The following F13A1 variants were observed in gnomAD, a reference collection of about 807,000 sequenced individuals.
F13A1 encodes FSF, A subunit.
In F13A1, 47 loss-of-function variants were observed where a neutral mutation model predicts 80.1. The observed-to-expected ratio is 0.59, with a 90% confidence interval of 0.46 to 0.75. The LOEUF is 0.75. Among genes scored for constraint, F13A1 ranks in the 30% least tolerant of loss-of-function variants. The probability of loss-of-function intolerance (pLI) is 0.00; values close to 1 mark genes in which losing one functional copy is unlikely to be tolerated. For synonymous variants in F13A1, 349 were observed against 344.9 expected, an observed-to-expected ratio of 1.01 and a Z score of -0.13; for missense variants, 817 against 930.4, an observed-to-expected ratio of 0.88 and a Z score of 1.59.
At chr6:6,173,623 G>T (rs1270024720) in intron 12 of F13A1, among the ~76,000 whole-genome samples, 1 of 152,056 alleles carries the variant, frequency 6.6e-6, no homozygotes, top group Non-Finnish European at 1.5e-5. Flanking sequence ...AGTCAGGCTG[G>T]TCTCGAACTC....
chr6:6,182,705 C>T (rs1761011345), intron 10 of F13A1, among the ~76,000 whole-genome samples: 1 of 152,062 alleles, frequency 6.6e-6, no homozygotes, highest in Non-Finnish European at 1.5e-5. Context: ...ACACTGCTGA[C>T]AATGAGAAGG....
At chr6:6,296,563 A>G (rs1758331331) in intron 3 of F13A1, among the ~76,000 whole-genome samples, 2 of 150,952 alleles carry the variant, frequency 1.3e-5, no homozygotes, top group Non-Finnish European at 2.9e-5. Context: ...TTGCTGGTGT[A>G]TAAGAATGCT....
intron 14 of F13A1, among the ~76,000 whole-genome samples, chr6:6,150,359 A>T (rs1022768054): frequency 9.3e-5 from 14 of 151,024 alleles, no homozygotes; most frequent in Admixed American, 7.3e-4. Context: ...TAATTTACTT[A>T]TTTTTTTTTC....
At chr6:6,313,986 C>CT (rs10690734) in intron 2 of F13A1, among the ~76,000 whole-genome samples, 100 of 142,150 alleles carry the variant, frequency 7.0e-4, no homozygotes, top group Middle Eastern at 7.4e-3. Flanking sequence ...TCTCCTTACT[C>CT]TTTTTTTTTT....
chr6:6,205,405 TA>T (rs1299975210), intron 8 of F13A1, among the ~76,000 whole-genome samples: 1 of 152,234 alleles, frequency 6.6e-6, no homozygotes, highest in African/African-American at 2.4e-5. Context: ...ACATCAACGC[TA>T]AATGCAGTTC....
chr6:6,232,632 C>A (rs1393630429), intron 6 of F13A1, among the ~76,000 whole-genome samples: 1 of 152,054 alleles, frequency 6.6e-6, no homozygotes, highest in African/African-American at 2.4e-5. Flanking sequence ...ACATTTTATC[C>A]AACAACCACA....
chr6:6,158,413 C>G (rs1459798283), intron 13 of F13A1, among the ~76,000 whole-genome samples: 1 of 152,170 alleles, frequency 6.6e-6, no homozygotes, highest in Non-Finnish European at 1.5e-5. Flanking sequence ...AACAGAGCAT[C>G]TGACACATAC....
chr6:6,232,850 G>A (rs1757370534), intron 6 of F13A1, among the ~76,000 whole-genome samples: 5 of 152,144 alleles, frequency 3.3e-5, no homozygotes, highest in Admixed American at 3.3e-4. Flanking sequence ...GCTCCTGAAT[G>A]AGCATTGGGT....
intron 8 of F13A1, among the ~76,000 whole-genome samples, chr6:6,221,519 T>A (rs1446459808): frequency 6.6e-6 from 1 of 152,244 alleles, no homozygotes; most frequent in Non-Finnish European, 1.5e-5. Context: ...AACAGATGTA[T>A]GACCGTGAGC....
intron 6 of F13A1, among the ~76,000 whole-genome samples, chr6:6,239,866 A>G (rs1374951350): frequency 6.6e-6 from 1 of 152,144 alleles, no homozygotes; most frequent in Non-Finnish European, 1.5e-5. Context: ...AATGCAGAGC[A>G]GGAGGAGGAA....
chr6:6,290,592 A>C (rs1758209245), intron 3 of F13A1, among the ~76,000 whole-genome samples: 1 of 152,180 alleles, frequency 6.6e-6, no homozygotes, highest in Non-Finnish European at 1.5e-5. Flanking sequence ...GACACAAAAC[A>C]CAGCATGATC....
At chr6:6,227,741 A>C (rs1022292547) in intron 6 of F13A1, among the ~76,000 whole-genome samples, 1 of 152,216 alleles carries the variant, frequency 6.6e-6, no homozygotes, top group Non-Finnish European at 1.5e-5. Flanking sequence ...ACAGATAGCC[A>C]TTAATTACAA....
At chr6:6,297,503 C>T (rs1758348799) in intron 3 of F13A1, among the ~76,000 whole-genome samples, 9 of 150,750 alleles carry the variant, frequency 6.0e-5, no homozygotes, top group African/African-American at 2.0e-4. Context: ...GAAATTTATC[C>T]ATTTCTTCTA....
intron 12 of F13A1, among the ~76,000 whole-genome samples, chr6:6,168,572 C>A (rs1419533243): frequency 6.6e-6 from 1 of 152,232 alleles, no homozygotes; most frequent in African/African-American, 2.4e-5. Context: ...ATTCCTCCAT[C>A]CCCAGCCACA....
chr6:6,212,300 C>G (rs2113036346), intron 8 of F13A1, among the ~76,000 whole-genome samples: 1 of 152,304 alleles, frequency 6.6e-6, no homozygotes, highest in Non-Finnish European at 1.5e-5. Flanking sequence ...TTGAAGAGAG[C>G]AGTGGTTCTC....
intron 12 of F13A1, among the ~76,000 whole-genome samples, chr6:6,172,391 T>C (rs1760791607): frequency 6.6e-6 from 1 of 152,116 alleles, no homozygotes; most frequent in Non-Finnish European, 1.5e-5. Context: ...AAATTACCTT[T>C]ACTACCCTAG....
intron 6 of F13A1, among the ~76,000 whole-genome samples, chr6:6,234,738 T>G (rs1051083866): frequency 2.6e-5 from 4 of 152,178 alleles, no homozygotes; most frequent in African/African-American, 9.6e-5. Flanking sequence ...TAATTTTTAA[T>G]AACCTTAGGA....
intron 10 of F13A1, among the ~76,000 whole-genome samples, chr6:6,184,338 C>T (rs1383321173): frequency 1.3e-5 from 2 of 152,254 alleles, no homozygotes; most frequent in Non-Finnish European, 2.9e-5. Flanking sequence ...GCCTTTCCCA[C>T]ACCACCCTGC....
At position 6,168,564 on chromosome 6, in the gene F13A1, T is replaced by C. The variant is rs1331653666; in HGVS notation, c.1748-946A>G. 2.0e-5 allele frequency among the ~76,000 whole-genome samples: 3 copies of C among 152,216 alleles called. No homozygotes were observed. In the East Asian group the frequency reaches 5.8e-4, roughly 29 times the overall value. On this transcript the variant is annotated intron_variant, in intron 12 of 14. Transcript: ENST00000264870. ...CTCCGCAGGTGAATGGGTGACTCAT[T>C]CCTCCATCCCCAGCCACAGAGAACA...
Sources: gnomAD v4.1 joint callset for allele counts (sites outside exome capture counted in the v4.1 genomes callset) on GRCh38, gnomAD v4.1.1 for gene constraint, MANE v1.5 for transcripts, NCBI Gene and HGNC (gene_info 2026-07-23, HGNC 2026-07-21) for gene names.